The following CHST8 variants were observed in gnomAD, a reference collection of about 807,000 sequenced individuals.
The protein encoded by CHST8 is carbohydrate sulfotransferase 8.
A neutral mutation model predicts 15.0 loss-of-function variants in CHST8; 10 were observed. The observed-to-expected ratio is 0.67, with a 90% confidence interval of 0.41 to 1.13. The LOEUF (loss-of-function observed/expected upper bound fraction) is 1.13, where lower values mean the gene tolerates loss of function less well. Among genes scored for constraint, CHST8 ranks in the 50% most tolerant of loss-of-function variants. The pLI, the probability that CHST8 is intolerant of heterozygous loss-of-function variation, is 0.00. For synonymous variants in CHST8, 259 were observed against 256.6 expected (o/e 1.01, Z -0.09); for missense variants, 634 against 608.2 (o/e 1.04, Z -0.45).
chr19:33,710,872 G>GGTTTTTTTT (rs397802097), intron 3 of CHST8, among the ~76,000 whole-genome samples: 22 of 138,658 alleles, frequency 1.6e-4, no homozygotes, highest in African/African-American at 5.3e-4. Flanking sequence ...AATTTCTGGA[G>GGTTTTTTTT]TTTTTTTTTT....
intron 1 of CHST8, among the ~76,000 whole-genome samples, chr19:33,627,789 T>C (rs1284823728): frequency 6.6e-6 from 1 of 152,212 alleles, no homozygotes; most frequent in Admixed American, 6.5e-5. Context: ...TGCATGTTTA[T>C]GGAGCAGGTA....
intron 1 of CHST8, among the ~76,000 whole-genome samples, chr19:33,639,133 G>A (rs1238876911): frequency 6.7e-6 from 1 of 148,924 alleles, no homozygotes; most frequent in Admixed American, 6.7e-5. Context: ...ATGCGATTAC[G>A]TTCATCAGCT....
chr19:33,721,066 G>A (rs1973780725), intron 3 of CHST8, among the ~76,000 whole-genome samples: 1 of 152,202 alleles, frequency 6.6e-6, no homozygotes, highest in Non-Finnish European at 1.5e-5. Context: ...TCTTATCTGT[G>A]GAAATAGGAA....
At chr19:33,683,538 C>A (rs1972926056) in intron 2 of CHST8, among the ~76,000 whole-genome samples, 1 of 152,154 alleles carries the variant, frequency 6.6e-6, no homozygotes, top group South Asian at 2.1e-4. Context: ...ACTCTTTGGA[C>A]CTGATTCCAA....
At chr19:33,639,107 A>G (rs1972243852) in intron 1 of CHST8, among the ~76,000 whole-genome samples, 1 of 150,774 alleles carries the variant, frequency 6.6e-6, no homozygotes, top group South Asian at 2.2e-4. Flanking sequence ...AAAAAAAAAA[A>G]AAGAGGAGGT....
At chr19:33,713,380 A>G (rs1393560230) in intron 3 of CHST8, among the ~76,000 whole-genome samples, 1 of 152,030 alleles carries the variant, frequency 6.6e-6, no homozygotes, top group Non-Finnish European at 1.5e-5. Context: ...CAATTATGCA[A>G]TGGCATGCTT....
chr19:33,770,298 G>A (rs146361030), intron 3 of CHST8, among the ~76,000 whole-genome samples: 90 of 152,312 alleles, frequency 5.9e-4, no homozygotes, highest in African/African-American at 2.0e-3. Context: ...AGGTGTGGTC[G>A]GGCATGGTGC....
chr19:33,625,894 C>A (rs1358336460), intron 1 of CHST8, among the ~76,000 whole-genome samples: 4 of 151,972 alleles, frequency 2.6e-5, no homozygotes, highest in African/African-American at 9.7e-5. Flanking sequence ...GAGGTTGGTG[C>A]CTGGATGTAG....
In CHST8 at chr19:33,734,475, G is replaced by A. The variant is rs150365737; in HGVS notation, c.131-36938G>A. Among the ~76,000 whole-genome samples the A allele has an allele frequency of 2.4e-3, 359 of 152,288 alleles. 3 individuals are homozygous for A. The highest frequency in any genetic ancestry group is 8.2e-3 in the African/African-American group (339 of 41,560). ...AGAACCCTCTCTGGGGGTCTGGATC[G>A]AGACCCCTTCCCTATAACAGCAATG... On this transcript the variant is annotated intron_variant, in intron 3 of 4. Coordinates refer to ENST00000650847, the MANE Select transcript of CHST8 (RefSeq NM_001127895.2).
At chr19:33,728,823 G>A (rs1973947276) in intron 3 of CHST8, among the ~76,000 whole-genome samples, 1 of 152,166 alleles carries the variant, frequency 6.6e-6, no homozygotes, top group Admixed American at 6.5e-5. Context: ...AGGAGCTGGG[G>A]TCATCTGGGG....
intron 3 of CHST8, among the ~76,000 whole-genome samples, chr19:33,756,880 T>C (rs1342267521): frequency 6.6e-6 from 1 of 152,144 alleles, no homozygotes; most frequent in African/African-American, 2.4e-5. Flanking sequence ...ACCCCAGGGC[T>C]CTGGAGGCTG....
Position 33,720,107 on chromosome 19 carries a change from A to G in CHST8, c.130+30716A>G, listed in dbSNP as rs531808733. Among the ~76,000 whole-genome samples, 91 of 152,220 alleles carry G rather than the reference A, an allele frequency of 6.0e-4. 2 individuals carry two copies. In the South Asian group the frequency reaches 0.018, roughly 30 times the overall value. Reference sequence around the variant, plus strand: ...GGCTGGAGTCACCCTCTATGCCCAGAAACTCCCACGGAAGAAGGGCATGGG... The same window carrying G: ...GGCTGGAGTCACCCTCTATGCCCAGGAACTCCCACGGAAGAAGGGCATGGG... On this transcript the variant is annotated intron_variant, in intron 3 of 4. Transcript: ENST00000650847.
At chr19:33,672,067 A>G in intron 2 of CHST8, among the ~76,000 whole-genome samples, 1 of 152,180 alleles carries the variant, frequency 6.6e-6, no homozygotes, top group East Asian at 1.9e-4. Context: ...ACACATAAAT[A>G]TATTCTGCAT....
intron 4 of CHST8, 33 bp from the exon 5 acceptor site, chr19:33,771,924 C>T (rs1294532920): frequency 6.6e-7 from 1 of 1,526,434 alleles, no homozygotes; most frequent in East Asian, 2.3e-5. Flanking sequence ...GCTGTCCTTT[C>T]CACTCAGATA....
chr19:33,656,780 C>A (rs550625626), intron 1 of CHST8, among the ~76,000 whole-genome samples: 1 of 152,016 alleles, frequency 6.6e-6, no homozygotes, highest in Admixed American at 6.6e-5. Flanking sequence ...CTCAAGTGAC[C>A]CTCCTGCCTT....
chr19:33,642,832 A>G (rs1972301402), intron 1 of CHST8, among the ~76,000 whole-genome samples: 1 of 152,224 alleles, frequency 6.6e-6, no homozygotes, highest in South Asian at 2.1e-4. Context: ...AATCATTTTC[A>G]TTTTATCAAA....
intron 3 of CHST8, among the ~76,000 whole-genome samples, chr19:33,699,959 T>C (rs1045981536): frequency 6.6e-6 from 1 of 152,120 alleles, no homozygotes; most frequent in Non-Finnish European, 1.5e-5. Flanking sequence ...AGGAGGGTGA[T>C]AGAGGCAACA....
At chr19:33,659,410 G>A (rs533227476) in intron 1 of CHST8, among the ~76,000 whole-genome samples, 3 of 152,004 alleles carry the variant, frequency 2.0e-5, no homozygotes, top group Non-Finnish European at 4.4e-5. Context: ...TCCAATATAA[G>A]CCCATTTTGC....
intron 3 of CHST8, among the ~76,000 whole-genome samples, chr19:33,727,493 G>A (rs1036527473): frequency 1.4e-4 from 22 of 152,210 alleles, no homozygotes; most frequent in African/African-American, 4.6e-4. Context: ...AGAGTGGGCT[G>A]TAGTGGAGCC....
Sources: allele counts gnomAD v4.1 joint callset (sites outside exome capture counted in the v4.1 genomes callset), GRCh38; gene constraint gnomAD v4.1.1; transcripts MANE v1.5; gene names NCBI Gene and HGNC (gene_info 2026-07-23, HGNC 2026-07-21).